The following PTPN21 variants were observed in gnomAD, a reference collection of about 807,000 sequenced individuals.
The protein encoded by PTPN21 is protein tyrosine phosphatase non-receptor type 21, also known as tyrosine-protein phosphatase non-receptor type 21.
A neutral mutation model predicts 131.8 loss-of-function variants in PTPN21; 77 were observed. The ratio of observed to expected loss-of-function variants is 0.58; its 90% CI spans 0.49 to 0.71. The LOEUF is 0.71. Ranked by LOEUF, PTPN21 falls within the 30% of genes least tolerant of loss-of-function variation. The pLI, the probability that PTPN21 is intolerant of heterozygous loss-of-function variation, is 0.00. For missense variants in PTPN21, 1,552 were observed against 1,527.1 expected (o/e 1.02, Z -0.27); for synonymous variants, 715 against 621.3 (o/e 1.15, Z -2.24).
chr14:88,469,762 T>G lies in PTPN21; in HGVS notation c.3001-29A>C. On this transcript the variant is annotated intron_variant, in intron 16 of 18. Coordinates refer to ENST00000556564, the MANE Select transcript of PTPN21 (RefSeq NM_007039.4). The surrounding 1 kb of genome is among the most constrained non-coding windows in gnomAD (Gnocchi z 4.3). ...TTAAAGATGAGCATGGTTAAATGAC[T>G]CGAGATCCGGCAATGGATGCCTTTC... The G allele has an allele frequency of 1.2e-6, 2 of 1,611,276 alleles. No individual in the cohort carries two copies. Among genetic ancestry groups the G allele is most frequent in the Non-Finnish European group, 1.7e-6 (2 of 1,177,438 alleles).
chr14:88,478,540 G>C (rs1273478018), intron 13 of PTPN21, among the ~76,000 whole-genome samples: 1 of 152,158 alleles, frequency 6.6e-6, no homozygotes, highest in Non-Finnish European at 1.5e-5. Context: ...CACCCCTGGG[G>C]TGCCACATCA....
At chr14:88,504,681 C>CA (rs138863875) in intron 5 of PTPN21, among the ~76,000 whole-genome samples, 186 bp from the exon 6 acceptor site, 2,237 of 139,596 alleles carry the variant, frequency 0.016, 54 homozygotes, top group African/African-American at 0.051. Context: ...TCACAAGAGC[C>CA]AAAAAAAAAA....
At position 88,533,860 on chromosome 14, in the gene PTPN21, G is replaced by A. The variant is rs530745660; in HGVS notation, c.180+16378C>T. Among the ~76,000 whole-genome samples the A allele has an allele frequency of 3.9e-5, 6 of 152,188 alleles. No individual in the cohort carries two copies. The South Asian group carries it at 1.2e-3, about 32-fold the overall frequency. ...CACTACAGCCTGGGTGACAGAATGAGACCCTCTTTCAAATAAAAAAAACAG... is the reference window on the plus strand; with the variant it reads ...CACTACAGCCTGGGTGACAGAATGAAACCCTCTTTCAAATAAAAAAAACAG... On this transcript the variant is annotated intron_variant, in intron 2 of 18. Coordinates refer to ENST00000556564, the MANE Select transcript of PTPN21 (RefSeq NM_007039.4).
intron 13 of PTPN21, 144 bp downstream of exon 13, chr14:88,478,776 A>G (rs73314131): frequency 0.015 from 7,023 of 469,424 alleles, 433 homozygotes; most frequent in African/African-American, 0.13. Context: ...TGTGTTCAGA[A>G]TTAGACAAAA....
intron 13 of PTPN21, among the ~76,000 whole-genome samples, chr14:88,475,444 C>T (rs1266523746): frequency 1.3e-5 from 2 of 152,278 alleles, no homozygotes; most frequent in East Asian, 1.9e-4. Flanking sequence ...ACAGCAGAGG[C>T]CTGGGTTCAC....
At chr14:88,468,778 G>C (rs1367518829) in intron 18 of PTPN21, 138 bp downstream of exon 18, 2 of 998,492 alleles carry the variant, frequency 2.0e-6, no homozygotes, top group African/African-American at 1.6e-5. Context: ...ACAGCCTTTT[G>C]CAGGGAACAT....
At chr14:88,525,401 C>T (rs1014747729) in intron 2 of PTPN21, among the ~76,000 whole-genome samples, 1 of 152,028 alleles carries the variant, frequency 6.6e-6, no homozygotes, top group Non-Finnish European at 1.5e-5. Context: ...TTAAAATGGG[C>T]AAAGGACTTA....
chr14:88,485,015 C>T (rs2077711728), intron 12 of PTPN21, 61 bp downstream of exon 12: 5 of 1,385,420 alleles, frequency 3.6e-6, no homozygotes, highest in Middle Eastern at 1.8e-4. Flanking sequence ...GATCTCCAAG[C>T]ATTCACAGAT....
intron 2 of PTPN21, among the ~76,000 whole-genome samples, chr14:88,522,469 A>T (rs2078411064): frequency 1.3e-5 from 2 of 151,690 alleles, no homozygotes; most frequent in Non-Finnish European, 2.9e-5. Flanking sequence ...GGGCTTAGTA[A>T]ATTCTTTGTT....
chr14:88,540,003 A>AT, intron 2 of PTPN21, among the ~76,000 whole-genome samples: 1 of 152,268 alleles, frequency 6.6e-6, no homozygotes. Context: ...TGAGAAGGTT[A>AT]TTTTCTAGAT....
Position 88,466,728 on chromosome 14 carries a change from A to G in PTPN21, c.*1409T>C, listed in dbSNP as rs2140070504. 1 of 150,850 alleles carries G rather than the reference A, an allele frequency of 6.6e-6. No individual in the cohort carries two copies. Among genetic ancestry groups the G allele is most frequent in the Admixed American group, 6.7e-5 (1 of 15,008 alleles). The allele number at this position is 150,850 out of a possible 1,614,324, so 9.3% of individuals were successfully genotyped here. On this transcript the variant is annotated 3_prime_UTR_variant, in exon 19 of 19. Transcript: ENST00000556564. ...GTCTATTGGGATGTGCCTAAATGGG[A>G]TGGGTGAGGGGGCACTAAACAGCTA...
Position 88,517,189 on chromosome 14 carries a change from T to C in PTPN21, c.253A>G (p.Lys85Glu). 6.2e-7 allele frequency: 1 copy of C among 1,614,118 alleles called. No homozygotes were observed. Among genetic ancestry groups the C allele is most frequent in the Non-Finnish European group, 8.5e-7 (1 of 1,179,992 alleles). Residue 85 changes from lysine (K) to glutamate (E), a missense_variant, in exon 3 of 19, where the codon AAG becomes GAG. Physicochemically the swap from Lys to Glu is moderately conservative, Grantham distance 56. Transcript: ENST00000556564. ...RRWVDLEKPLKKQLDKYALEP... is the reference protein window; with the variant it reads ...RRWVDLEKPLEKQLDKYALEP... ...AATGCATATTTATCCAGCTGCTTCT[T>C]CAAAGGTTTTTCCAAATCTACCCAC... is the stretch of plus-strand genomic sequence containing the variant.
chr14:88,477,475 A>G (rs1053634845), intron 13 of PTPN21, among the ~76,000 whole-genome samples: 1 of 149,898 alleles, frequency 6.7e-6, no homozygotes, highest in African/African-American at 2.5e-5. Flanking sequence ...AAAAAAGCAA[A>G]TTTAAATCTG....
intron 3 of PTPN21, among the ~76,000 whole-genome samples, chr14:88,515,660 T>C (rs2078257886): frequency 6.6e-6 from 1 of 152,202 alleles, no homozygotes; most frequent in Non-Finnish European, 1.5e-5. Context: ...TCTCTCTACC[T>C]TTCCTGTTCA....
rs2078903898 is a variant in PTPN21, at chr14:88,554,820, C to G, written c.-372G>C. The G allele has an allele frequency of 1.3e-5, 2 of 151,674 alleles. No homozygotes were observed. Among genetic ancestry groups the G allele is most frequent in the African/African-American group, 4.8e-5 (2 of 41,384 alleles). 9.4% of individuals were successfully genotyped at this position (151,674 alleles called of 1,614,324 possible). ...TTCCTGTCTCCAAAAACCCGGCTCG[C>G]AGACCATTCCCCTGGGCAGAGTCCG... is the stretch of plus-strand genomic sequence containing the variant. On this transcript the variant is annotated 5_prime_UTR_variant, in exon 1 of 19. Transcript: ENST00000556564.
At chr14:88,475,766 T>G (rs1399072507) in intron 13 of PTPN21, among the ~76,000 whole-genome samples, 1 of 152,234 alleles carries the variant, frequency 6.6e-6, no homozygotes, top group African/African-American at 2.4e-5. Flanking sequence ...TTAAGTCGGC[T>G]CTTGCTAGTC....
intron 3 of PTPN21, among the ~76,000 whole-genome samples, chr14:88,514,593 T>G (rs889665128): frequency 6.6e-6 from 1 of 151,888 alleles, no homozygotes; most frequent in African/African-American, 2.4e-5. Context: ...GCCTCCCGAG[T>G]AGTTGGGATT....
chr14:88,554,135 C>A (rs2078897157), intron 1 of PTPN21, among the ~76,000 whole-genome samples: 1 of 152,196 alleles, frequency 6.6e-6, no homozygotes, highest in African/African-American at 2.4e-5. Context: ...TAGTATAAGG[C>A]TTTCTCAGCA....
chr14:88,481,458 C>T (rs995567716), intron 12 of PTPN21, among the ~76,000 whole-genome samples: 1 of 152,144 alleles, frequency 6.6e-6, no homozygotes, highest in African/African-American at 2.4e-5. Context: ...TCTGAACTAG[C>T]TCTATATACA....
Sources: allele counts gnomAD v4.1 joint callset (sites outside exome capture counted in the v4.1 genomes callset), GRCh38; gene constraint gnomAD v4.1.1; non-coding constraint Gnocchi (gnomAD v3.1); transcripts MANE v1.5; gene names NCBI Gene and HGNC (gene_info 2026-07-23, HGNC 2026-07-21).